Variants in APLP2 observed in about 807,000 individuals in gnomAD.
APLP2 encodes amyloid beta precursor like protein 2, also known as CDEI box-binding protein.
Under a neutral mutation model 89.9 loss-of-function variants are expected in APLP2, and 53 were observed. That is an observed-to-expected ratio of 0.59 (90% CI 0.47 to 0.74). The LOEUF is 0.74. APLP2 is among the 30% of genes least tolerant of loss of function. The pLI is 0.00. For missense variants in APLP2, 973 were observed against 975.9 expected (o/e 1.00, Z 0.04); for synonymous variants, 372 against 348.6 (o/e 1.07, Z -0.75).
intron 1 of APLP2, among the ~76,000 whole-genome samples, chr11:130,073,691 AT>A (rs1941571449): frequency 6.6e-6 from 1 of 152,174 alleles, no homozygotes; most frequent in Non-Finnish European, 1.5e-5. Context: ...AAATACAAAA[AT>A]TAGCTGGGCG....
At chr11:130,078,377 G>A (rs59427834) in intron 1 of APLP2, among the ~76,000 whole-genome samples, 15,993 of 151,694 alleles carry the variant, frequency 0.11, 1,045 homozygotes, top group East Asian at 0.25. Flanking sequence ...TCCACTTTGA[G>A]GTTATTAAGA....
At chr11:130,129,345 A>G in intron 10 of APLP2, 139 bp downstream of exon 10, 2 of 1,008,810 alleles carry the variant, frequency 2.0e-6, no homozygotes, top group East Asian at 2.5e-5. Context: ...TGAGGGAGGA[A>G]AAGGTATTAC....
intron 1 of APLP2, among the ~76,000 whole-genome samples, chr11:130,073,295 A>G (rs1004413044): frequency 7.9e-5 from 12 of 152,212 alleles, no homozygotes; most frequent in Non-Finnish European, 1.5e-4. Flanking sequence ...TTTTCACTCT[A>G]ATATGGTTCC....
intron 1 of APLP2, among the ~76,000 whole-genome samples, chr11:130,073,667 T>G (rs1033802130): frequency 6.6e-6 from 1 of 151,992 alleles, no homozygotes; most frequent in Non-Finnish European, 1.5e-5. Context: ...ATGGTGAAAC[T>G]CCGTCTCTAC....
rs964511955 is a variant in APLP2 at position 130,070,748 on chromosome 11, G to A, written c.105+666G>A. ...CGTAGACCGAGGAAACCCGCTCTGGGTGCGTTGACCGCTTTCGTGAGGGTT... is the reference window on the plus strand; with the variant it reads ...CGTAGACCGAGGAAACCCGCTCTGGATGCGTTGACCGCTTTCGTGAGGGTT... On this transcript the variant is annotated intron_variant, in intron 1 of 16. Transcript: ENST00000338167. 4.2e-6 allele frequency: 6 copies of A among 1,438,474 alleles called. No individual in the cohort carries two copies. In the Admixed American group the frequency reaches 1.6e-4, roughly 38 times the overall value. The allele number at this position is 1,438,474 out of a possible 1,614,324, so 89.1% of individuals were successfully genotyped here.
intron 14 of APLP2, chr11:130,140,950 A>C (rs1952295170): frequency 6.7e-6 from 1 of 148,204 alleles, no homozygotes; most frequent in South Asian, 2.1e-4. Context: ...TTTGTCACCG[A>C]GGCTGGAGTG....
Position 130,109,588 on chromosome 11 carries a change from C to G in APLP2, c.265C>G (p.Gln89Glu). 6.2e-7 allele frequency: 1 copy of G among 1,612,498 alleles called. No homozygotes were observed. Among genetic ancestry groups the G allele is most frequent in the Non-Finnish European group, 8.5e-7 (1 of 1,179,332 alleles). The part of the protein sequence containing the change: ...SCFETKEEVL[Q>E]YCQEMYPELQ... ...CTTTGAAACAAAAGAAGAAGTTCTT[C>G]AGTACTGTCAGGAGGTAAGAGTGTT... The change falls in exon 2 of 17, where the codon CAG (glutamine) becomes GAG (glutamate). Residue 89 changes from glutamine to glutamate, a missense_variant. Transcript: ENST00000338167.
At chr11:130,094,882 AG>A (rs1266906935) in intron 1 of APLP2, among the ~76,000 whole-genome samples, 3 of 152,194 alleles carry the variant, frequency 2.0e-5, no homozygotes, top group African/African-American at 7.2e-5. Context: ...GGAGGGCCAG[AG>A]GAGGGATGCA....
intron 3 of APLP2, among the ~76,000 whole-genome samples, chr11:130,120,470 G>C (rs1949689647): frequency 6.6e-6 from 1 of 152,216 alleles, no homozygotes; most frequent in South Asian, 2.1e-4. Flanking sequence ...TGGGACTGCA[G>C]TCAGGGGGCT....
At chr11:130,093,176 A>G (rs1337543307) in intron 1 of APLP2, among the ~76,000 whole-genome samples, 4 of 152,234 alleles carry the variant, frequency 2.6e-5, no homozygotes, top group African/African-American at 4.8e-5. Flanking sequence ...TGGAGAGGCA[A>G]AGGCCGCTCT....
intron 1 of APLP2, among the ~76,000 whole-genome samples, chr11:130,105,737 C>T (rs1161718254): frequency 1.5e-5 from 2 of 131,706 alleles, no homozygotes; most frequent in African/African-American, 5.8e-5. Flanking sequence ...GAGTTTCGCT[C>T]TTGTTGCCCA....
chr11:130,123,593 T>G lies in APLP2; in HGVS notation c.923-19T>G, dbSNP rs748366525. On this transcript the variant is annotated intron_variant, in intron 6 of 16. Coordinates refer to ENST00000338167, the MANE Select transcript of APLP2 (RefSeq NM_001142276.2). The surrounding 1 kb of genome is among the most constrained non-coding windows in gnomAD (Gnocchi z 4.0). ...GTCACTGCCTCTGTCCTGCTGACAC[T>G]CTGACCATTTTCACACAGCTGTCTG... 6.2e-7 allele frequency: 1 copy of G among 1,608,922 alleles called. No individual in the cohort carries two copies. Among genetic ancestry groups the G allele is most frequent in the Admixed American group, 1.7e-5 (1 of 59,268 alleles).
At chr11:130,131,702 A>T (rs571293422) in intron 11 of APLP2, among the ~76,000 whole-genome samples, 8 of 152,180 alleles carry the variant, frequency 5.3e-5, no homozygotes, top group South Asian at 2.1e-4. Flanking sequence ...TTTAAAATTA[A>T]ATTATCGTGT....
chr11:130,095,713 A>G lies in APLP2; in HGVS notation c.106-13716A>G, dbSNP rs559271296. The stretch of plus-strand genomic sequence containing the variant: ...AGAGAATGGAAACTTGCCATCTTGC[A>G]TAAGTTTTTTTGTCATTTAATTTGT... On this transcript the variant is annotated intron_variant, in intron 1 of 16. Coordinates refer to ENST00000338167, the MANE Select transcript of APLP2 (RefSeq NM_001142276.2). Among the ~76,000 whole-genome samples the G allele has an allele frequency of 3.5e-3, 537 of 152,370 alleles. 4 individuals carry two copies. The highest frequency in any genetic ancestry group is 6.8e-3 in the South Asian group (33 of 4,832).
intron 12 of APLP2, among the ~76,000 whole-genome samples, chr11:130,135,055 A>G (rs965375358): frequency 1.3e-5 from 2 of 152,018 alleles, no homozygotes; most frequent in African/African-American, 4.8e-5. Flanking sequence ...GTCGGGGAGA[A>G]GTAGGTCAGA....
At chr11:130,106,307 G>T (rs2135747942) in intron 1 of APLP2, among the ~76,000 whole-genome samples, 1 of 152,190 alleles carries the variant, frequency 6.6e-6, no homozygotes, top group African/African-American at 2.4e-5. Flanking sequence ...TAGGCTCTGT[G>T]GTTTCTTGAA....
intron 3 of APLP2, chr11:130,114,278 G>A (rs1419192857): frequency 1.3e-5 from 2 of 151,620 alleles, no homozygotes; most frequent in African/African-American, 2.4e-5. Context: ...TTTTCAATTA[G>A]CAGTGATCAC....
chr11:130,125,959 A>G (rs918972190), intron 7 of APLP2, among the ~76,000 whole-genome samples: 2 of 152,196 alleles, frequency 1.3e-5, no homozygotes, highest in East Asian at 1.9e-4. Flanking sequence ...GGGTGCTCCA[A>G]TGGGCCTGTG....
At chr11:130,134,356 C>T (rs912200777) in intron 12 of APLP2, among the ~76,000 whole-genome samples, 8 of 152,114 alleles carry the variant, frequency 5.3e-5, no homozygotes, top group African/African-American at 1.9e-4. Context: ...AAGATCACAG[C>T]GGGAGAGCAC....
Sources: gnomAD v4.1 joint callset for allele counts (sites outside exome capture counted in the v4.1 genomes callset) on GRCh38, gnomAD v4.1.1 for gene constraint, Gnocchi (gnomAD v3.1) non-coding constraint, MANE v1.5 for transcripts, NCBI Gene and HGNC (gene_info 2026-07-23, HGNC 2026-07-21) for gene names.